THRA: variants seen among roughly 807,000 people sequenced by gnomAD.
The protein encoded by THRA is thyroid hormone receptor alpha.
In THRA, 13 loss-of-function variants were observed where a neutral mutation model predicts 45.0. That is an observed-to-expected ratio of 0.29 (90% CI 0.19 to 0.46). The LOEUF (loss-of-function observed/expected upper bound fraction) is 0.46, where lower values mean the gene tolerates loss of function less well. Among genes scored for constraint, THRA ranks in the 20% least tolerant of loss-of-function variants. The pLI is 1.00. For synonymous variants in THRA, 195 were observed against 214.0 expected, an observed-to-expected ratio of 0.91 and a Z score of 0.78; for missense variants, 278 against 556.1, an observed-to-expected ratio of 0.50 and a Z score of 5.03.
chr17:40,075,423 G>A (rs1419222384), intron 2 of THRA, among the ~76,000 whole-genome samples: 4 of 152,200 alleles, frequency 2.6e-5, no homozygotes, highest in Non-Finnish European at 5.9e-5. Context: ...TGGGTCCCTG[G>A]AGGGTAGAGG....
Position 40,065,759 on chromosome 17 carries a change from TGGGAATGG to T in THRA, c.-298+2673_-298+2680del, listed in dbSNP as rs1391611429. On this transcript the variant is annotated intron_variant, in intron 1 of 8. Coordinates refer to ENST00000450525, the MANE Select transcript of THRA (RefSeq NM_199334.5). ...GCTGTGGCCAGCAAGTTTTAGGGGC[TGGGAATGG>T]GGGAAGGGGGGGGGGGTCAGCCACT... Among the ~76,000 whole-genome samples, 4 of 34,600 alleles carry T rather than the reference TGGGAATGG, an allele frequency of 1.2e-4. No homozygotes were observed. The East Asian group carries it at 3.2e-3, about 27-fold the overall frequency. The allele number at this position is 34,600 out of a possible 152,430, so 22.7% of individuals were successfully genotyped here.
At chr17:40,065,125 C>G (rs1456194645) in intron 1 of THRA, among the ~76,000 whole-genome samples, 1 of 151,776 alleles carries the variant, frequency 6.6e-6, no homozygotes, top group Non-Finnish European at 1.5e-5. Flanking sequence ...TCCAGAGGGC[C>G]GAGTCATGGG....
intron 1 of THRA, among the ~76,000 whole-genome samples, chr17:40,068,171 G>T (rs1006456254): frequency 6.6e-6 from 1 of 152,242 alleles, no homozygotes; most frequent in African/African-American, 2.4e-5. Flanking sequence ...CTGGCTGGGA[G>T]TTGGGAGGCC....
Position 40,089,298 on chromosome 17 carries a change from A to G in THRA, c.1075A>G (p.Asn359Asp). ...FEHYVNHRKHNIPHFWPKLLM... is the reference protein window; with the variant it reads ...FEHYVNHRKHDIPHFWPKLLM... ...GCACTACGTCAACCACCGCAAACAC[A>G]ACATTCCGCACTTCTGGCCCAAGCT... Residue 359 changes from asparagine (N) to aspartate (D), a missense_variant, in exon 9 of 9, where the codon AAC (asparagine) becomes GAC (aspartate). Transcript: ENST00000450525. The surrounding 1 kb of genome is among the most constrained non-coding windows in gnomAD (Gnocchi z 6.1). 3 of 1,614,080 alleles carry G rather than the reference A, an allele frequency of 1.9e-6. No homozygotes were observed. The highest frequency in any genetic ancestry group is 2.5e-6 in the Non-Finnish European group (3 of 1,180,024).
Position 40,089,062 on chromosome 17 carries a change from G to T in THRA, c.983-144G>T, listed in dbSNP as rs996218609. The stretch of plus-strand genomic sequence containing the variant: ...GTGCTTCTCCTGTCCACGTCTCTCA[G>T]GGGGAGCTTCTCCCCTCCCCTCCCC... On this transcript the variant is annotated intron_variant, in intron 8 of 8. Coordinates refer to ENST00000450525, the MANE Select transcript of THRA (RefSeq NM_199334.5). This position sits in a 1 kb window ranked among gnomAD's most constrained non-coding sequence, Gnocchi z 6.1. 3.4e-6 allele frequency: 2 copies of T among 587,634 alleles called. No individual in the cohort carries two copies. Among genetic ancestry groups the T allele is most frequent in the South Asian group, 3.6e-5 (2 of 55,326 alleles). 36.4% of individuals were successfully genotyped at this position (587,634 alleles called of 1,614,324 possible). A position where few individuals can be genotyped will look rare whatever the true frequency, so the allele number is the denominator to read the frequency against.
In THRA at chr17:40,091,263, C is replaced by CGG. The variant is rs1464950871; in HGVS notation, c.*1807_*1808insGG. The CGG allele has an allele frequency of 3.9e-5, 6 of 155,630 alleles. No individual in the cohort carries two copies. The highest frequency in any genetic ancestry group is 1.9e-4 in the East Asian group (1 of 5,372). 9.6% of individuals were successfully genotyped at this position (155,630 alleles called of 1,614,324 possible). ...ACACACACACACACACACACACACA[C>CGG]ACACACACGGACATGCACACACGGA... is the stretch of plus-strand genomic sequence containing the variant. On this transcript the variant is annotated 3_prime_UTR_variant, in exon 9 of 9. Transcript: ENST00000450525.
At chr17:40,093,218 A>C (rs776855858), downstream of THRA, 6 of 1,613,702 alleles carry the variant, frequency 3.7e-6, no homozygotes, top group South Asian at 6.6e-5. The surrounding 1 kb of genome is among the most constrained non-coding windows in gnomAD (Gnocchi z 5.9). Flanking sequence ...CCAGAGCCCG[A>C]AGAGCCCGCA....
chr17:40,062,517 T>C (rs1300128301), upstream of THRA: 8 of 152,084 alleles, frequency 5.3e-5, no homozygotes, highest in Non-Finnish European at 8.8e-5. Flanking sequence ...CTGCAAGCGT[T>C]TGGTGTTTAG....
At chr17:40,077,023 A>G in intron 3 of THRA, 85 bp downstream of exon 3, 1 of 1,400,792 alleles carries the variant, frequency 7.1e-7, no homozygotes, top group Middle Eastern at 1.8e-4. Context: ...GATGTGGAAC[A>G]GTAATTCATG....
rs1457716985 is a variant in THRA at position 40,091,779 on chromosome 17, G to C, written c.*2323G>C. 6.6e-6 allele frequency: 1 copy of C among 152,276 alleles called. No individual in the cohort carries two copies. Among genetic ancestry groups the C allele is most frequent in the Admixed American group, 6.5e-5 (1 of 15,272 alleles). 9.4% of individuals were successfully genotyped at this position (152,276 alleles called of 1,614,324 possible). On this transcript the variant is annotated 3_prime_UTR_variant, in exon 9 of 9. Transcript: ENST00000450525. ...GGTGTATGTGTGCGTTCCTCTGCGT[G>C]AATGTGTGAGTGAGTACACATGGTA... is the stretch of plus-strand genomic sequence containing the variant.
chr17:40,088,160 G>A (rs1402365032), intron 7 of THRA, 82 bp from the exon 8 acceptor site: 4 of 1,502,618 alleles, frequency 2.7e-6, no homozygotes, highest in Non-Finnish European at 3.6e-6. Flanking sequence ...GGGCCTCACG[G>A]CTCCCGTAGG....
chr17:40,063,991 G>C (rs1484005217), intron 1 of THRA, among the ~76,000 whole-genome samples: 3 of 151,704 alleles, frequency 2.0e-5, no homozygotes, highest in Non-Finnish European at 4.4e-5. Flanking sequence ...CTCCAGGAGG[G>C]GGAGGGGATG....
At chr17:40,066,847 G>A (rs915455856) in intron 1 of THRA, among the ~76,000 whole-genome samples, 1 of 152,118 alleles carries the variant, frequency 6.6e-6, no homozygotes, top group Non-Finnish European at 1.5e-5. Context: ...TTGAGCAAGC[G>A]ATTTAACTTC....
intron 6 of THRA, among the ~76,000 whole-genome samples, chr17:40,085,826 A>G (rs1302035919): frequency 1.3e-5 from 2 of 152,088 alleles, no homozygotes; most frequent in Non-Finnish European, 2.9e-5. Context: ...TATTTTTAGT[A>G]GAGACGGTGT....
intron 4 of THRA, among the ~76,000 whole-genome samples, chr17:40,078,890 C>T (rs1226311613): frequency 6.6e-6 from 1 of 152,014 alleles, no homozygotes; most frequent in Admixed American, 6.6e-5. Context: ...TGCCACCACG[C>T]CCAGCTAACT....
At chr17:40,080,993 A>T (rs947322539) in intron 4 of THRA, among the ~76,000 whole-genome samples, 1 of 152,014 alleles carries the variant, frequency 6.6e-6, no homozygotes, top group South Asian at 2.1e-4. Flanking sequence ...AAGAGCTGGG[A>T]TTACAGGCGT....
chr17:40,074,106 A>C (rs1986868603), intron 1 of THRA, 86 bp from the exon 2 acceptor site: 2 of 236,268 alleles, frequency 8.5e-6, no homozygotes, highest in South Asian at 5.5e-5. Context: ...TGGGATCCCA[A>C]AGCCCCAAAT....
intron 4 of THRA, among the ~76,000 whole-genome samples, chr17:40,082,039 C>T (rs1157502555): frequency 6.6e-6 from 1 of 151,946 alleles, no homozygotes; most frequent in East Asian, 1.9e-4. Flanking sequence ...TTTTTCTCTT[C>T]CCCTACTAGA....
intron 2 of THRA, among the ~76,000 whole-genome samples, chr17:40,075,564 C>T (rs1986922864): frequency 6.6e-6 from 1 of 152,250 alleles, no homozygotes; most frequent in Non-Finnish European, 1.5e-5. Context: ...CTGTGTCTCC[C>T]AGCTTAGGCT....
Sources: gnomAD v4.1 joint callset for allele counts (sites outside exome capture counted in the v4.1 genomes callset) on GRCh38, gnomAD v4.1.1 for gene constraint, Gnocchi (gnomAD v3.1) non-coding constraint, MANE v1.5 for transcripts, NCBI Gene and HGNC (gene_info 2026-07-23, HGNC 2026-07-21) for gene names.